The following IL13RA2 variants were observed in gnomAD, a reference collection of about 807,000 sequenced individuals.
The protein encoded by IL13RA2 is interleukin 13 receptor subunit alpha 2.
IL13RA2 carries 25 observed loss-of-function variants against 34.1 expected under a neutral mutation model. The observed-to-expected ratio is 0.73, with a 90% confidence interval of 0.53 to 1.03. The LOEUF (loss-of-function observed/expected upper bound fraction) is 1.03, where lower values mean the gene tolerates loss of function less well. IL13RA2 is among the 50% of genes least tolerant of loss of function. The probability of loss-of-function intolerance (pLI) is 0.00; values close to 1 mark genes in which losing one functional copy is unlikely to be tolerated. For synonymous variants in IL13RA2, 106 were observed against 100.4 expected (o/e 1.06, Z -0.33); for missense variants, 297 against 280.9 (o/e 1.06, Z -0.41).
intron 4 of IL13RA2, 114 bp downstream of exon 4, chrX:115,014,307 C>T: frequency 3.7e-6 from 2 of 545,256 alleles, no homozygotes; most frequent in Non-Finnish European, 5.9e-6. Context: ...CTATTTTGTG[C>T]CACACTGTCA....
At chrX:115,008,769 T>C (rs1180096430) in intron 7 of IL13RA2, among the ~76,000 whole-genome samples, 1 of 111,989 alleles carries the variant, frequency 8.9e-6, no homozygotes, top group Non-Finnish European at 1.9e-5. Flanking sequence ...TCATTCAATA[T>C]AATAGCTTTT....
intron 8 of IL13RA2, 64 bp downstream of exon 8, chrX:115,007,868 C>A: frequency 1.5e-6 from 1 of 688,086 alleles, no homozygotes; most frequent in Non-Finnish European, 2.2e-6. Context: ...CAAAATACAC[C>A]AAAAGAAAAT....
At position 115,013,756 on chromosome X, in the gene IL13RA2, T is replaced by C. The variant is rs1420862548; in HGVS notation, c.521+13A>G. On this transcript the variant is annotated intron_variant, in intron 5 of 9. Coordinates refer to ENST00000243213, the MANE Select transcript of IL13RA2 (RefSeq NM_000640.3). ...ATTTTTTAATATGGAATTCTAATTA[T>C]AAAAATACTTACCAGTAAAACAAGT... 1.0e-6 allele frequency: 1 copy of C among 964,283 alleles called. No individual in the cohort carries two copies. The highest frequency in any genetic ancestry group is 1.5e-6 in the Non-Finnish European group (1 of 683,206). 79.5% of individuals were successfully genotyped at this position (964,283 alleles called of 1,213,427 possible).
rs782731360 is a variant in IL13RA2 at position 115,015,808 on chromosome X, C to T, written c.108G>A (p.Gln36=). Reference sequence around the variant, plus strand: ...ATCCGGGATCCACTATCTCAAAATCCTGAGGAGGGTTAACTGAAATAAATC... The same window carrying T: ...ATCCGGGATCCACTATCTCAAAATCTTGAGGAGGGTTAACTGAAATAAATC... The part of the protein sequence containing the change: ...SDTEIKVNPP[Q]DFEIVDPGYL... The change falls in exon 3 of 10, where the codon CAG becomes CAA. Residue 36 remains glutamine (Q), a synonymous_variant. Coordinates refer to ENST00000243213, the MANE Select transcript of IL13RA2 (RefSeq NM_000640.3). 3.4e-6 allele frequency: 4 copies of T among 1,170,702 alleles called. No individual in the cohort carries two copies. Among genetic ancestry groups the T allele is most frequent in the Non-Finnish European group, 4.6e-6 (4 of 860,455 alleles).
rs1556508629 is a variant in IL13RA2 at position 115,010,759 on chromosome X, G to T, written c.591C>A (p.Cys197Ter). 1 of 1,111,567 alleles carries T rather than the reference G, an allele frequency of 9.0e-7. No homozygotes were observed. The allele number at this position is 1,111,567 out of a possible 1,213,427, so 91.6% of individuals were successfully genotyped here. Residue 197 changes from cysteine (C) to a stop codon, truncating the protein, a stop_gained, in exon 6 of 10, where the codon TGC becomes TGA. Coordinates refer to ENST00000243213, the MANE Select transcript of IL13RA2 (RefSeq NM_000640.3). LOFTEE classifies it high-confidence loss of function. ...YIKADGQNIGCRFPYLEASDY... is the reference protein window; with the variant it reads ...YIKADGQNIG ...CTGATGCCTCCAAATAGGGAAATCT[G>T]CATCCTATATTTTGTCCATCAGCCT...
chrX:115,014,646 C>A (rs1007757478), intron 3 of IL13RA2, 72 bp from the exon 4 acceptor site: 12 of 731,877 alleles, frequency 1.6e-5, no homozygotes, highest in African/African-American at 4.2e-5. Context: ...ATTAATAAGA[C>A]TAATAAATCA....
At chrX:115,017,408 A>G (rs1453118091) in intron 1 of IL13RA2, 106 bp from the exon 2 acceptor site, 3 of 445,538 alleles carry the variant, frequency 6.7e-6, no homozygotes, top group African/African-American at 5.1e-5. Flanking sequence ...CTCTACCAAG[A>G]ACTGGGAAAA....
chrX:115,016,950 T>C (rs2071730452), intron 2 of IL13RA2, among the ~76,000 whole-genome samples: 1 of 110,400 alleles, frequency 9.1e-6, no homozygotes, highest in Non-Finnish European at 1.9e-5. Flanking sequence ...AATTTGGCAT[T>C]TATCGCACAA....
In IL13RA2 at chrX:115,015,782, T is replaced by A. The variant is rs2071724701; in HGVS notation, c.134A>T (p.Tyr45Phe). 8.4e-7 allele frequency: 1 copy of A among 1,187,311 alleles called. No individual in the cohort carries two copies. Among genetic ancestry groups the A allele is most frequent in the African/African-American group, 1.8e-5 (1 of 56,841 alleles). Residue 45 changes from tyrosine (Y) to phenylalanine (F), a missense_variant, in exon 3 of 10, where the codon TAC (tyrosine) becomes TTC (phenylalanine). Transcript: ENST00000243213. ...PQDFEIVDPGYLGYLYLQWQP... is the reference protein window; with the variant it reads ...PQDFEIVDPGFLGYLYLQWQP... ...CCATTGCAAATAGAGATAACCTAAGTATCCGGGATCCACTATCTCAAAATC... is the reference window on the plus strand; with the variant it reads ...CCATTGCAAATAGAGATAACCTAAGAATCCGGGATCCACTATCTCAAAATC...
Position 115,015,723 on chromosome X carries a change from A to C in IL13RA2, c.193T>G (p.Cys65Gly). 8.4e-7 allele frequency: 1 copy of C among 1,195,756 alleles called. No individual in the cohort carries two copies. Among genetic ancestry groups the C allele is most frequent in the Non-Finnish European group, 1.1e-6 (1 of 880,961 alleles). ...TATTTTAGTTCATATTCCACTGTGC[A>C]TTCCTTAAAATGATCCAGAGACAGT... The part of the protein sequence containing the change: ...PPLSLDHFKE[C>G]TVEYELKYRN... The change falls in exon 3 of 10, where the codon TGC (cysteine) becomes GGC (glycine). Residue 65 changes from cysteine to glycine, a missense_variant. By Grantham distance (159) the Cys-to-Gly change is radical. Transcript: ENST00000243213.
chrX:115,005,348 G>T, intron 8 of IL13RA2, 33 bp from the exon 9 acceptor site: 1 of 666,429 alleles, frequency 1.5e-6, no homozygotes, highest in Non-Finnish European at 2.5e-6. Flanking sequence ...AAGGGGAAGT[G>T]TTAGACATTT....
At chrX:115,007,846 C>T (rs1024620075) in intron 8 of IL13RA2, 86 bp downstream of exon 8, 1 of 590,416 alleles carries the variant, frequency 1.7e-6, no homozygotes. Context: ...AAGTCCTTCA[C>T]TTCTGTAATT....
Position 115,009,544 on chromosome X carries a change from T to C in IL13RA2, c.829A>G (p.Arg277Gly). 3.3e-6 allele frequency: 4 copies of C among 1,200,218 alleles called. No individual in the cohort carries two copies. The highest frequency in any genetic ancestry group is 4.5e-6 in the Non-Finnish European group (4 of 885,064). Residue 277 changes from arginine (R) to glycine (G), a missense_variant, in exon 7 of 10, where the codon AGA becomes GGA. Coordinates refer to ENST00000243213, the MANE Select transcript of IL13RA2 (RefSeq NM_000640.3). ...ACCACCAAGGTAGTATCATCTTCTC[T>C]GATCTCAATTTCATAATCAAAACAC... The part of the protein sequence containing the change: ...ARCFDYEIEI[R>G]EDDTTLVTAT...
Position 115,004,881 on chromosome X carries a change from C to T in IL13RA2, c.1116+316G>A, listed in dbSNP as rs781927185. On this transcript the variant is annotated intron_variant, in intron 9 of 9. Coordinates refer to ENST00000243213, the MANE Select transcript of IL13RA2 (RefSeq NM_000640.3). The stretch of plus-strand genomic sequence containing the variant: ...TTCAGTCTATGATCATTTTAATTCA[C>T]TCTTCTATTTCTCCCAATCCTGCTT... 3.6e-5 allele frequency among the ~76,000 whole-genome samples: 4 copies of T among 112,557 alleles called. No homozygotes were observed. The South Asian group carries it at 1.5e-3, about 41-fold the overall frequency.
At chrX:115,005,622 A>T (rs1314286711) in intron 8 of IL13RA2, among the ~76,000 whole-genome samples, 1 of 112,031 alleles carries the variant, frequency 8.9e-6, no homozygotes, top group African/African-American at 3.2e-5. Context: ...TTCTCCATTT[A>T]AAAATGACAA....
chrX:115,009,063 G>A lies in IL13RA2; in HGVS notation c.852+458C>T, dbSNP rs3795176. Among the ~76,000 whole-genome samples the A allele has an allele frequency of 1.4e-4, 16 of 111,533 alleles. 1 individual carries two copies. In the East Asian group the frequency reaches 4.5e-3, roughly 31 times the overall value. The stretch of plus-strand genomic sequence containing the variant: ...TGATTAAAGGCATCACCACATTGTT[G>A]GTGCTGGTGGCAGTAATTAGTCTTG... On this transcript the variant is annotated intron_variant, in intron 7 of 9. Transcript: ENST00000243213.
rs1556509762 is a variant in IL13RA2 at position 115,015,667 on chromosome X, T to C, written c.246+3A>G. 7.5e-6 allele frequency: 9 copies of C among 1,200,074 alleles called. No homozygotes were observed. The highest frequency in any genetic ancestry group is 7.9e-6 in the Non-Finnish European group (7 of 885,166). On this transcript the variant is annotated splice_donor_region_variant and intron_variant, in intron 3 of 9. Transcript: ENST00000243213. ...TGATACGGCAAATGCATGCTTTACT[T>C]ACCTTCCATGTTTCACTACCAATGT...
intron 5 of IL13RA2, 76 bp from the exon 6 acceptor site, chrX:115,010,904 T>C: frequency 4.5e-6 from 2 of 448,635 alleles, no homozygotes; most frequent in Admixed American, 8.2e-5. Flanking sequence ...TTTTCAATTA[T>C]ATTAGGATAC....
intron 3 of IL13RA2, among the ~76,000 whole-genome samples, chrX:115,015,435 C>G (rs1196428367): frequency 9.0e-6 from 1 of 111,222 alleles, no homozygotes; most frequent in South Asian, 3.8e-4. Context: ...TGCACGAGAC[C>G]GAGTTTTTTG....
Sources: gnomAD v4.1 joint callset for allele counts (sites outside exome capture counted in the v4.1 genomes callset) on GRCh38, gnomAD v4.1.1 for gene constraint, MANE v1.5 for transcripts, NCBI Gene and HGNC (gene_info 2026-07-23, HGNC 2026-07-21) for gene names.